Variants in SOX5 observed in about 807,000 individuals in gnomAD.
SOX5 encodes the protein SRY-box transcription factor 5, also known as transcription factor SOX-5.
In SOX5, 9 loss-of-function variants were observed where a neutral mutation model predicts 92.0. That is an observed-to-expected ratio of 0.10 (90% CI 0.06 to 0.17). The LOEUF (loss-of-function observed/expected upper bound fraction) is 0.17. Among genes scored for constraint, SOX5 ranks in the 10% least tolerant of loss-of-function variants. The probability of loss-of-function intolerance (pLI) is 1.00; values close to 1 mark genes in which losing one functional copy is unlikely to be tolerated. For missense variants in SOX5, 642 were observed against 944.5 expected, an observed-to-expected ratio of 0.68 and a Z score of 4.20; for synonymous variants, 344 against 336.3, an observed-to-expected ratio of 1.02 and a Z score of -0.25.
intron 3 of SOX5, chr12:24,227,615 C>G (rs374034416): frequency 6.6e-6 from 1 of 152,032 alleles, no homozygotes; most frequent in South Asian, 2.1e-4. Context: ...TGGTGGGGGG[C>G]GGTGAGGGAA....
intron 10 of SOX5, 145 bp from the exon 11 acceptor site, chr12:23,563,548 G>A: frequency 3.2e-6 from 2 of 629,868 alleles, no homozygotes; most frequent in Non-Finnish European, 5.4e-6. Context: ...ATGAATGAAT[G>A]AATAATTGAC....
At chr12:24,368,307 A>G (rs1956369840) in intron 2 of SOX5, 1 of 152,230 alleles carries the variant, frequency 6.6e-6, no homozygotes. Context: ...GACATGTCTC[A>G]GTGGCTTTTT....
chr12:24,380,111 G>C (rs1452377510), intron 1 of SOX5, among the ~76,000 whole-genome samples: 2 of 152,170 alleles, frequency 1.3e-5, no homozygotes, highest in Non-Finnish European at 2.9e-5. Context: ...AGGGAGAAAA[G>C]CACAAGAACA....
intron 1 of SOX5, among the ~76,000 whole-genome samples, chr12:24,536,309 A>C (rs1299247696): frequency 6.6e-6 from 1 of 152,212 alleles, no homozygotes; most frequent in Non-Finnish European, 1.5e-5. Context: ...GGGAACCAGC[A>C]GTGTGCTAGC....
At chr12:23,892,346 T>C (rs1245561223) in intron 2 of SOX5, among the ~76,000 whole-genome samples, 1 of 152,198 alleles carries the variant, frequency 6.6e-6, no homozygotes, top group Non-Finnish European at 1.5e-5. Flanking sequence ...CCATCTGGTA[T>C]GCTCATGAAC....
intron 9 of SOX5, chr12:23,584,657 A>C: frequency 7.1e-7 from 1 of 1,405,858 alleles, no homozygotes; most frequent in Non-Finnish European, 1.0e-6. Flanking sequence ...TAAACCATGC[A>C]TTGGTTTATA....
rs112513000 is a variant in SOX5, at chr12:23,531,735, A to G, written c.*2484T>C. 8 of 152,294 alleles carry G rather than the reference A, an allele frequency of 5.3e-5. 1 individual carries two copies. The highest frequency in any genetic ancestry group is 1.9e-4 in the African/African-American group (8 of 41,564). The allele number at this position is 152,294 out of a possible 1,614,324, so 9.4% of individuals were successfully genotyped here. A position where few individuals can be genotyped will look rare whatever the true frequency, so the allele number is the denominator to read the frequency against. ...TTGGCTCTAGATGACTGTGGCAATT[A>G]AATAACTAAAATGAGTGATGAGAGC... On this transcript the variant is annotated 3_prime_UTR_variant, in exon 15 of 15. Coordinates refer to ENST00000451604, the MANE Select transcript of SOX5 (RefSeq NM_006940.6).
In SOX5 at chr12:23,970,841, A is replaced by AT. The variant is rs1555456188; in HGVS notation, c.-1-74818dup. ...ACATGGGACTTTATATATATATATA[A>AT]TTTTTTTTTTTTTTTAAGAAATGGG... On this transcript the variant is annotated intron_variant, in intron 4 of 4. Transcript: ENST00000446891. 2.8e-3 allele frequency among the ~76,000 whole-genome samples: 62 copies of AT among 21,866 alleles called. 9 individuals are homozygous for AT. Among genetic ancestry groups the AT allele is most frequent in the African/African-American group, 6.9e-3 (55 of 8,026 alleles). The allele number at this position is 21,866 out of a possible 152,430, so 14.3% of individuals were successfully genotyped here.
At chr12:23,828,075 T>C (rs1191776887) in intron 3 of SOX5, among the ~76,000 whole-genome samples, 1 of 152,224 alleles carries the variant, frequency 6.6e-6, no homozygotes, top group East Asian at 1.9e-4. Flanking sequence ...AGGGGTCCCA[T>C]AGATTATAAT....
intron 4 of SOX5, among the ~76,000 whole-genome samples, chr12:23,991,133 C>T (rs180912437): frequency 1.3e-5 from 2 of 150,720 alleles, no homozygotes; most frequent in African/African-American, 4.9e-5. Flanking sequence ...GAGAGAGGGT[C>T]GCTTGAGCCC....
intron 4 of SOX5, among the ~76,000 whole-genome samples, chr12:24,135,546 A>G (rs1950038379): frequency 6.6e-6 from 1 of 152,214 alleles, no homozygotes; most frequent in African/African-American, 2.4e-5. Context: ...ATAAATGAGA[A>G]TAACTAGGAT....
upstream of SOX5, among the ~76,000 whole-genome samples, chr12:23,950,257 TACAC>T (rs1237120116): frequency 1.4e-5 from 2 of 143,368 alleles, no homozygotes; most frequent in East Asian, 2.0e-4. Context: ...CACACGGAAA[TACAC>T]GCACACACAC....
intron 2 of SOX5, among the ~76,000 whole-genome samples, chr12:23,881,566 C>A (rs906730330): frequency 6.6e-6 from 1 of 152,082 alleles, no homozygotes. Flanking sequence ...TTCAATCTGT[C>A]GTGTTAAGTT....
At chr12:24,008,219 T>C (rs886822503) in intron 4 of SOX5, among the ~76,000 whole-genome samples, 7 of 152,272 alleles carry the variant, frequency 4.6e-5, no homozygotes, top group African/African-American at 1.7e-4. Flanking sequence ...ATTTTCAGTG[T>C]ACATTTTGCA....
intron 4 of SOX5, among the ~76,000 whole-genome samples, chr12:24,026,363 T>C (rs1954870240): frequency 6.6e-6 from 1 of 151,960 alleles, no homozygotes; most frequent in Non-Finnish European, 1.5e-5. Context: ...ATTCACTGAT[T>C]GTAATTTAAT....
chr12:23,934,729 A>G (rs1179493827), intron 1 of SOX5, among the ~76,000 whole-genome samples: 1 of 151,340 alleles, frequency 6.6e-6, no homozygotes, highest in African/African-American at 2.4e-5. Flanking sequence ...AAGAATAATC[A>G]TAACATACAT....
intron 3 of SOX5, among the ~76,000 whole-genome samples, chr12:24,271,256 C>T (rs1275070725): frequency 1.3e-5 from 2 of 152,160 alleles, no homozygotes; most frequent in Non-Finnish European, 2.9e-5. Flanking sequence ...GTTGTATCTC[C>T]TGGCTACTAC....
intron 8 of SOX5, among the ~76,000 whole-genome samples, chr12:23,621,495 G>A (rs530254515): frequency 7.2e-5 from 11 of 152,138 alleles, no homozygotes; most frequent in East Asian, 1.9e-4. Context: ...TTAAGAGGGC[G>A]TTAGAAAAAA....
At chr12:23,697,770 T>A (rs932613049) in intron 6 of SOX5, among the ~76,000 whole-genome samples, 2 of 152,076 alleles carry the variant, frequency 1.3e-5, no homozygotes, top group Non-Finnish European at 2.9e-5. Flanking sequence ...AGGCTGGCCT[T>A]GAACTCCTGA....
Sources: allele counts gnomAD v4.1 joint callset (sites outside exome capture counted in the v4.1 genomes callset), GRCh38; gene constraint gnomAD v4.1.1; transcripts MANE v1.5; gene names NCBI Gene and HGNC (gene_info 2026-07-23, HGNC 2026-07-21).